The following UNC5A variants were observed in gnomAD, a reference collection of about 807,000 sequenced individuals.
The protein encoded by UNC5A is unc-5 netrin receptor A.
Under a neutral mutation model 87.4 loss-of-function variants are expected in UNC5A, and 20 were observed. The observed-to-expected ratio is 0.23, with a 90% CI of 0.16 to 0.33. The LOEUF is 0.33. Ranked by LOEUF, UNC5A falls within the 10% of genes least tolerant of loss-of-function variation. The pLI is 1.00. For synonymous variants in UNC5A, 438 were observed against 482.3 expected (o/e 0.91, Z 1.20); for missense variants, 844 against 1,133.4 (o/e 0.74, Z 3.67).
chr5:176,849,641 A>G (rs1372145425), intron 1 of UNC5A, among the ~76,000 whole-genome samples: 1 of 152,116 alleles, frequency 6.6e-6, no homozygotes, highest in Non-Finnish European at 1.5e-5. Context: ...GTCACTGTCC[A>G]CTTTTCCCAG....
Position 176,810,767 on chromosome 5 carries a change from G to A in UNC5A, c.17G>A (p.Gly6Asp). 8.3e-7 allele frequency: 1 copy of A among 1,199,310 alleles called. No individual in the cohort carries two copies. The allele number at this position is 1,199,310 out of a possible 1,614,324, so 74.3% of individuals were successfully genotyped here. The stretch of plus-strand genomic sequence containing the variant: ...CCCGCGGCCATGGCCGTCCGGCCCG[G>A]CCTGTGGCCAGCGCTCCTGGGCATA... MAVRP[G>D]LWPALLGIVL... is the part of the protein sequence containing the mutation. The change falls in exon 1 of 15, where the codon GGC (glycine) becomes GAC (aspartate). Residue 6 changes from glycine to aspartate, a missense_variant. Physicochemically the swap from Gly to Asp is moderately conservative, Grantham distance 94. This residue lies in a region of UNC5A where 314 missense variants were observed against 466.5 expected (regional missense o/e 0.67). Transcript: ENST00000329542. The surrounding 1 kb of genome is among the most constrained non-coding windows in gnomAD (Gnocchi z 7.3).
At position 176,869,338 on chromosome 5, in the gene UNC5A, G is replaced by A. The variant is rs1288753447; in HGVS notation, c.721+374G>A. On this transcript the variant is annotated intron_variant, in intron 5 of 14. Coordinates refer to ENST00000329542, the MANE Select transcript of UNC5A (RefSeq NM_133369.3). The surrounding 1 kb of genome is among the most constrained non-coding windows in gnomAD (Gnocchi z 9.1). ...AGGGAGGGTGCGGGAGTCACCCCAG[G>A]AGAGGCTGGGGTCTGGGCTGCAGGA... 2.6e-5 allele frequency among the ~76,000 whole-genome samples: 4 copies of A among 152,140 alleles called. No individual in the cohort carries two copies. The highest frequency in any genetic ancestry group is 4.4e-5 in the Non-Finnish European group (3 of 67,982).
intron 1 of UNC5A, among the ~76,000 whole-genome samples, chr5:176,851,564 C>T (rs1197555686): frequency 1.3e-5 from 2 of 152,348 alleles, no homozygotes; most frequent in Admixed American, 6.5e-5. Flanking sequence ...GTGTAGGCCA[C>T]GCTGTTCATC....
intron 10 of UNC5A, 80 bp from the exon 11 acceptor site, chr5:176,877,814 C>A: frequency 6.6e-7 from 1 of 1,516,994 alleles, no homozygotes; most frequent in South Asian, 1.3e-5. Context: ...CCTCCCCAGT[C>A]TCCGGCCACT....
chr5:176,846,073 C>A (rs1757396107), intron 1 of UNC5A, among the ~76,000 whole-genome samples: 1 of 152,066 alleles, frequency 6.6e-6, no homozygotes, highest in Non-Finnish European at 1.5e-5. Flanking sequence ...GCACAGGGAG[C>A]TGGTCATCTG....
In UNC5A at chr5:176,874,721, G is replaced by A. The variant is rs572293673; in HGVS notation, c.1378+155G>A. On this transcript the variant is annotated intron_variant, in intron 8 of 14. Coordinates refer to ENST00000329542, the MANE Select transcript of UNC5A (RefSeq NM_133369.3). The surrounding 1 kb of genome is among the most constrained non-coding windows in gnomAD (Gnocchi z 7.6). Reference sequence around the variant, plus strand: ...GGAGAACCCAGTCTTGGCTGGCACCGAGGCCGTGGCCAGAGCTGTCTTCCT... The same window carrying A: ...GGAGAACCCAGTCTTGGCTGGCACCAAGGCCGTGGCCAGAGCTGTCTTCCT... Among the ~76,000 whole-genome samples, 53 of 152,332 alleles carry A rather than the reference G, an allele frequency of 3.5e-4. No homozygotes were observed. Among genetic ancestry groups the A allele is most frequent in the African/African-American group, 1.1e-3 (46 of 41,588 alleles).
chr5:176,836,350 C>T (rs534269728), intron 1 of UNC5A, among the ~76,000 whole-genome samples: 13 of 152,270 alleles, frequency 8.5e-5, no homozygotes, highest in Non-Finnish European at 1.8e-4. Context: ...GAGCCCAGCC[C>T]GAGATGGGGC....
intron 1 of UNC5A, among the ~76,000 whole-genome samples, chr5:176,836,496 C>T (rs576561891): frequency 7.9e-4 from 120 of 152,260 alleles, no homozygotes; most frequent in African/African-American, 2.6e-3. Flanking sequence ...CTCACAGAGA[C>T]GACAGTGTGT....
chr5:176,827,087 G>A (rs1176959189), intron 1 of UNC5A, among the ~76,000 whole-genome samples: 1 of 150,964 alleles, frequency 6.6e-6, no homozygotes, highest in Non-Finnish European at 1.5e-5. Context: ...CATGTAATTT[G>A]TGGTCCTCTG....
rs1049032389 is a variant in UNC5A at position 176,869,213 on chromosome 5, A to G, written c.721+249A>G. The stretch of plus-strand genomic sequence containing the variant: ...CATTGTGCAGAAGGAGATGAGGGAC[A>G]GGATGGGAATCTAGGAAAGGTGACA... On this transcript the variant is annotated intron_variant, in intron 5 of 14. Transcript: ENST00000329542. The surrounding 1 kb of genome is among the most constrained non-coding windows in gnomAD (Gnocchi z 9.1). Among the ~76,000 whole-genome samples, 7 of 152,150 alleles carry G rather than the reference A, an allele frequency of 4.6e-5. No individual in the cohort carries two copies. Among genetic ancestry groups the G allele is most frequent in the African/African-American group, 1.7e-4 (7 of 41,432 alleles).
At chr5:176,821,865 C>T (rs770031300) in intron 1 of UNC5A, among the ~76,000 whole-genome samples, 1 of 152,130 alleles carries the variant, frequency 6.6e-6, no homozygotes, top group Non-Finnish European at 1.5e-5. Flanking sequence ...AGCTTACCTC[C>T]TGGACACCAG....
At chr5:176,813,112 C>T (rs1296470257) in intron 1 of UNC5A, among the ~76,000 whole-genome samples, 1 of 152,244 alleles carries the variant, frequency 6.6e-6, no homozygotes, top group Non-Finnish European at 1.5e-5. Flanking sequence ...AGCATGCTCG[C>T]ACCTGCAGGC....
At chr5:176,815,036 G>A (rs1756555008) in intron 1 of UNC5A, among the ~76,000 whole-genome samples, 1 of 152,182 alleles carries the variant, frequency 6.6e-6, no homozygotes, top group Non-Finnish European at 1.5e-5. Flanking sequence ...CCACGTGTAT[G>A]GACAGCAAAC....
chr5:176,860,202 G>A (rs990907093), intron 1 of UNC5A, among the ~76,000 whole-genome samples: 2 of 152,350 alleles, frequency 1.3e-5, no homozygotes, highest in South Asian at 2.1e-4. Flanking sequence ...CCGGGAACCT[G>A]CCACTGGGGG....
Position 176,841,786 on chromosome 5 carries a change from A to G in UNC5A, c.71-20838A>G, listed in dbSNP as rs1258272288. On this transcript the variant is annotated intron_variant, in intron 1 of 14. Transcript: ENST00000329542. This position sits in a 1 kb window ranked among gnomAD's most constrained non-coding sequence, Gnocchi z 4.1. ...AAATCATCAAAATCTCACTTCTGAA[A>G]AGAAGGTATACAAATGGCCAACAAT... Among the ~76,000 whole-genome samples, 1 of 152,240 alleles carries G rather than the reference A, an allele frequency of 6.6e-6. No homozygotes were observed. Among genetic ancestry groups the G allele is most frequent in the African/African-American group, 2.4e-5 (1 of 41,466 alleles).
At chr5:176,856,915 C>T (rs1302504727) in intron 1 of UNC5A, among the ~76,000 whole-genome samples, 1 of 152,206 alleles carries the variant, frequency 6.6e-6, no homozygotes, top group Non-Finnish European at 1.5e-5. Flanking sequence ...CCTGTCTGAC[C>T]AAACACGTCT....
chr5:176,822,618 G>A (rs935175297), intron 1 of UNC5A, among the ~76,000 whole-genome samples: 5 of 152,216 alleles, frequency 3.3e-5, no homozygotes, highest in Non-Finnish European at 7.3e-5. Context: ...AGCCACATTT[G>A]AGAGCCCAGA....
intron 1 of UNC5A, among the ~76,000 whole-genome samples, chr5:176,815,654 G>C (rs770139301): frequency 5.9e-5 from 9 of 152,340 alleles, no homozygotes; most frequent in Non-Finnish European, 1.0e-4. Context: ...TCGCATTTGT[G>C]GGGGGATGGC....
At chr5:176,820,579 C>T (rs890664556) in intron 1 of UNC5A, among the ~76,000 whole-genome samples, 6 of 152,164 alleles carry the variant, frequency 3.9e-5, no homozygotes, top group Non-Finnish European at 8.8e-5. Context: ...CTTAATCTAC[C>T]GTGGGACAGT....
Sources: allele counts gnomAD v4.1 joint callset (sites outside exome capture counted in the v4.1 genomes callset), GRCh38; gene constraint gnomAD v4.1.1; regional missense constraint gnomAD v4.1.1; non-coding constraint Gnocchi (gnomAD v3.1); transcripts MANE v1.5; gene names NCBI Gene and HGNC (gene_info 2026-07-23, HGNC 2026-07-21).